The following ZMIZ1 variants were observed in gnomAD, a reference collection of about 807,000 sequenced individuals.
ZMIZ1 encodes the protein zinc finger MIZ-type containing 1.
ZMIZ1 carries 17 observed loss-of-function variants against 113.9 expected under a neutral mutation model. That is an observed-to-expected ratio of 0.15 (90% CI 0.10 to 0.22). The LOEUF (loss-of-function observed/expected upper bound fraction) is 0.22, where lower values mean the gene tolerates loss of function less well. ZMIZ1 is among the 10% of genes least tolerant of loss of function. The pLI is 1.00. For missense variants in ZMIZ1, 1,059 were observed against 1,477.8 expected, an observed-to-expected ratio of 0.72 and a Z score of 4.65; for synonymous variants, 607 against 603.1, an observed-to-expected ratio of 1.01 and a Z score of -0.09.
Position 79,312,841 on chromosome 10 carries a change from C to A in ZMIZ1, c.*92C>A, listed in dbSNP as rs577735279. On this transcript the variant is annotated 3_prime_UTR_variant, in exon 25 of 25. Coordinates refer to ENST00000334512, the MANE Select transcript of ZMIZ1 (RefSeq NM_020338.4). The stretch of plus-strand genomic sequence containing the variant: ...CACCTGGGAGCCTGTGCCCTCAGAC[C>A]GCCCCGCACCAGAGCCACGGGCTGT... 8.1e-6 allele frequency: 10 copies of A among 1,238,422 alleles called. No individual in the cohort carries two copies. In the East Asian group the frequency reaches 2.1e-4, roughly 26 times the overall value. The allele number at this position is 1,238,422 out of a possible 1,614,324, so 76.7% of individuals were successfully genotyped here.
At chr10:79,111,095 G>A (rs574935077) in intron 1 of ZMIZ1, among the ~76,000 whole-genome samples, 1 of 152,346 alleles carries the variant, frequency 6.6e-6, no homozygotes, top group African/African-American at 2.4e-5. Context: ...GAGCCCATGA[G>A]CAGTCCCCAT....
At chr10:79,172,964 G>C (rs1014407939) in intron 4 of ZMIZ1, among the ~76,000 whole-genome samples, 4 of 152,164 alleles carry the variant, frequency 2.6e-5, no homozygotes, top group African/African-American at 9.7e-5. Flanking sequence ...AGTGACTGTG[G>C]GGCCAGCCAG....
At chr10:79,146,701 G>A (rs919030375) in intron 3 of ZMIZ1, among the ~76,000 whole-genome samples, 1 of 152,212 alleles carries the variant, frequency 6.6e-6, no homozygotes, top group African/African-American at 2.4e-5. Flanking sequence ...GAAAACACCA[G>A]ACACAGGCAG....
intron 4 of ZMIZ1, among the ~76,000 whole-genome samples, chr10:79,177,746 T>A (rs552827140): frequency 6.6e-6 from 1 of 152,256 alleles, no homozygotes; most frequent in Non-Finnish European, 1.5e-5. Context: ...TGACTTATTT[T>A]AAACTTTAAT....
Position 79,069,512 on chromosome 10 carries a change from C to T in ZMIZ1, c.-337+242C>T, listed in dbSNP as rs1842175752. On this transcript the variant is annotated intron_variant, in intron 1 of 24. Transcript: ENST00000334512. The surrounding 1 kb of genome is among the most constrained non-coding windows in gnomAD (Gnocchi z 4.6). ...AGCCGGCTTGGGCTGCGCGTGGGGGCCGGGTTTGTCAGGGTGTGCGGGGCG... is the reference window on the plus strand; with the variant it reads ...AGCCGGCTTGGGCTGCGCGTGGGGGTCGGGTTTGTCAGGGTGTGCGGGGCG... Among the ~76,000 whole-genome samples the T allele has an allele frequency of 2.6e-5, 4 of 151,764 alleles. No homozygotes were observed. Among genetic ancestry groups the T allele is most frequent in the East Asian group, 2.0e-4 (1 of 5,124 alleles).
chr10:79,263,604 G>A (rs2131913153), intron 7 of ZMIZ1, among the ~76,000 whole-genome samples: 1 of 152,260 alleles, frequency 6.6e-6, no homozygotes, highest in Non-Finnish European at 1.5e-5. Flanking sequence ...CGGGCCCCCA[G>A]GACAGAGCCC....
chr10:79,293,141 C>G (rs1420078300), intron 11 of ZMIZ1, among the ~76,000 whole-genome samples: 1 of 149,648 alleles, frequency 6.7e-6, no homozygotes, highest in Non-Finnish European at 1.5e-5. Flanking sequence ...CACCCCACCC[C>G]ACCCCATCCC....
chr10:79,268,683 G>T (rs959687982), intron 7 of ZMIZ1, among the ~76,000 whole-genome samples: 1 of 152,202 alleles, frequency 6.6e-6, no homozygotes, highest in East Asian at 1.9e-4. Context: ...GCATTCCCCT[G>T]GGTAGTGTGG....
At chr10:79,197,611 T>TACACACACACACACACACACACACAC (rs71482719) in intron 4 of ZMIZ1, among the ~76,000 whole-genome samples, 1 of 90,082 alleles carries the variant, frequency 1.1e-5, no homozygotes, top group East Asian at 2.8e-4. Flanking sequence ...CACACACACA[T>TACACACACACACACACACACACACAC]ACACACACAC....
At chr10:79,261,533 G>C (rs1290729304) in intron 7 of ZMIZ1, among the ~76,000 whole-genome samples, 1 of 152,226 alleles carries the variant, frequency 6.6e-6, no homozygotes. Flanking sequence ...CCAGGCTGCT[G>C]TCTGTCCCTC....
At chr10:79,106,138 C>G (rs1461182840) in intron 1 of ZMIZ1, among the ~76,000 whole-genome samples, 2 of 152,234 alleles carry the variant, frequency 1.3e-5, no homozygotes, top group African/African-American at 4.8e-5. Context: ...CCAAATCCCC[C>G]CACCCCCAGG....
At chr10:79,310,179 A>G (rs867788841) in intron 23 of ZMIZ1, among the ~76,000 whole-genome samples, 1 of 152,134 alleles carries the variant, frequency 6.6e-6, no homozygotes, top group Non-Finnish European at 1.5e-5. Flanking sequence ...GGAGTCCCAG[A>G]GGTGCCTGCC....
Position 79,291,154 on chromosome 10 carries a change from G to A in ZMIZ1, c.736G>A (p.Gly246Ser), listed in dbSNP as rs769108026. The stretch of plus-strand genomic sequence containing the variant: ...CATGTATGGCCGGCCCAACTACCCC[G>A]GCAGCGGGGGCTTTGGGGCCAGGTG... ...QSMYGRPNYP[G>S]SGGFGASYPG... Residue 246 changes from glycine to serine, a missense_variant, in exon 10 of 25, where the codon GGC (glycine) becomes AGC (serine). Transcript: ENST00000334512. 107 of 1,611,058 alleles carry A rather than the reference G, an allele frequency of 6.6e-5. No individual in the cohort carries two copies. The highest frequency in any genetic ancestry group is 1.7e-4 in the Admixed American group (10 of 59,898).
intron 7 of ZMIZ1, among the ~76,000 whole-genome samples, chr10:79,252,792 C>T (rs1850634258): frequency 6.6e-6 from 1 of 152,226 alleles, no homozygotes; most frequent in Non-Finnish European, 1.5e-5. Flanking sequence ...AACAGATGCA[C>T]CTGTGACCCT....
chr10:79,233,887 TG>T (rs142475578), intron 7 of ZMIZ1, among the ~76,000 whole-genome samples: 2,471 of 152,258 alleles, frequency 0.016, 72 homozygotes, highest in African/African-American at 0.055. Context: ...GATCGGCATA[TG>T]GATCTTTTGG....
intron 1 of ZMIZ1, among the ~76,000 whole-genome samples, chr10:79,081,787 C>T (rs1277608789): frequency 3.9e-5 from 6 of 152,260 alleles, no homozygotes; most frequent in African/African-American, 1.4e-4. Context: ...GCCAGCATCG[C>T]TGGGGGCTGT....
rs570209141 is a variant in ZMIZ1, at chr10:79,127,945, G to A, written c.-227+8921G>A. The stretch of plus-strand genomic sequence containing the variant: ...TTCCCAGGGCCACTGCTCAGCCAGC[G>A]CCTGCCTGCCCCCTCAGCTACCTTT... On this transcript the variant is annotated intron_variant, in intron 2 of 24. Transcript: ENST00000334512. Among the ~76,000 whole-genome samples the A allele has an allele frequency of 3.3e-5, 5 of 152,330 alleles. No homozygotes were observed. In the South Asian group the frequency reaches 6.2e-4, roughly 19 times the overall value.
At position 79,118,572 on chromosome 10, in the gene ZMIZ1, C is replaced by G. The variant is rs1002431766; in HGVS notation, c.-336-343C>G. Among the ~76,000 whole-genome samples, 1 of 152,142 alleles carries G rather than the reference C, an allele frequency of 6.6e-6. No homozygotes were observed. Among genetic ancestry groups the G allele is most frequent in the African/African-American group, 2.4e-5 (1 of 41,428 alleles). On this transcript the variant is annotated intron_variant, in intron 1 of 24. Coordinates refer to ENST00000334512, the MANE Select transcript of ZMIZ1 (RefSeq NM_020338.4). The surrounding 1 kb of genome is among the most constrained non-coding windows in gnomAD (Gnocchi z 4.1). Reference sequence around the variant, plus strand: ...GAGAAGTGGGGAGAAGAGCTCTGAGCGGGGCACCCAGCGTGTGCCAAGGCC... The same window carrying G: ...GAGAAGTGGGGAGAAGAGCTCTGAGGGGGGCACCCAGCGTGTGCCAAGGCC...
rs1286574619 is a variant in ZMIZ1 at position 79,175,581 on chromosome 10, T to TGCGC, written c.-50+13451_-50+13452insCGCG. ...GAGGACTTCTCTAATCTGTGCACTCTGCGTGTGTGTGTGTGTGTGTGTGTG... is the reference window on the plus strand; with the variant it reads ...GAGGACTTCTCTAATCTGTGCACTCTGCGCGCGTGTGTGTGTGTGTGTGTGTGTG... On this transcript the variant is annotated intron_variant, in intron 4 of 24. Transcript: ENST00000334512. 2.3e-5 allele frequency among the ~76,000 whole-genome samples: 3 copies of TGCGC among 132,746 alleles called. No individual in the cohort carries two copies. In the Admixed American group the frequency reaches 2.3e-4, roughly 10 times the overall value. 87.1% of individuals were successfully genotyped at this position (132,746 alleles called of 152,430 possible).
Sources: gnomAD v4.1 joint callset for allele counts (sites outside exome capture counted in the v4.1 genomes callset) on GRCh38, gnomAD v4.1.1 for gene constraint, Gnocchi (gnomAD v3.1) non-coding constraint, MANE v1.5 for transcripts, NCBI Gene and HGNC (gene_info 2026-07-23, HGNC 2026-07-21) for gene names.